The following GALNTL6 variants were observed in gnomAD, a reference collection of about 807,000 sequenced individuals.
GALNTL6 encodes the protein polypeptide N-acetylgalactosaminyltransferase-like 6.
Under a neutral mutation model 73.7 loss-of-function variants are expected in GALNTL6, and 46 were observed. The ratio of observed to expected loss-of-function variants is 0.62; its 90% CI spans 0.49 to 0.80. The LOEUF (loss-of-function observed/expected upper bound fraction) is 0.80, where lower values mean the gene tolerates loss of function less well. Among genes scored for constraint, GALNTL6 ranks in the 30% least tolerant of loss-of-function variants. The pLI, the probability that GALNTL6 is intolerant of heterozygous loss-of-function variation, is 0.00. For missense variants in GALNTL6, 604 were observed against 755.0 expected, an observed-to-expected ratio of 0.80 and a Z score of 2.34; for synonymous variants, 259 against 263.7, an observed-to-expected ratio of 0.98 and a Z score of 0.17.
At chr4:172,881,910 G>A (rs1475698033) in intron 7 of GALNTL6, among the ~76,000 whole-genome samples, 2 of 151,880 alleles carry the variant, frequency 1.3e-5, no homozygotes, top group African/African-American at 2.4e-5. Context: ...CCTCTTCTGC[G>A]TGATTCCTCA....
chr4:172,844,634 C>A (rs1036899589), intron 7 of GALNTL6, among the ~76,000 whole-genome samples: 1 of 152,168 alleles, frequency 6.6e-6, no homozygotes, highest in African/African-American at 2.4e-5. Flanking sequence ...AAAATGGTGA[C>A]CACGTGGTTG....
intron 2 of GALNTL6, among the ~76,000 whole-genome samples, chr4:171,917,402 C>A (rs550930825): frequency 9.2e-5 from 14 of 151,996 alleles, no homozygotes; most frequent in African/African-American, 3.4e-4. Context: ...CCATAAGAAG[C>A]CTTTGAATAG....
rs372911780 is a variant in GALNTL6 at position 172,912,247 on chromosome 4, T to C, written c.1042-18914T>C. ...ACTTTAGAGGTATAAGAATTTGATT[T>C]TTGGTTCCAAGATGGCCAAATAGGA... On this transcript the variant is annotated intron_variant, in intron 8 of 12. Transcript: ENST00000506823. Among the ~76,000 whole-genome samples the C allele has an allele frequency of 1.2e-4, 18 of 152,328 alleles. No individual in the cohort carries two copies. The South Asian group carries it at 3.5e-3, about 30-fold the overall frequency.
rs547801466 is a variant in GALNTL6, at chr4:172,757,091, T to G, written c.554-52270T>G. ...TTGGCCCTGTAACTAAGTAAAAAATTATGAATAATAATAAATTGATAGTGC... is the reference window on the plus strand; with the variant it reads ...TTGGCCCTGTAACTAAGTAAAAAATGATGAATAATAATAAATTGATAGTGC... On this transcript the variant is annotated intron_variant, in intron 5 of 12. Transcript: ENST00000506823. Among the ~76,000 whole-genome samples, 6 of 152,316 alleles carry G rather than the reference T, an allele frequency of 3.9e-5. No individual in the cohort carries two copies. In the East Asian group the frequency reaches 5.8e-4, roughly 15 times the overall value.
chr4:172,703,735 C>T (rs891357768), intron 5 of GALNTL6, among the ~76,000 whole-genome samples: 3 of 151,926 alleles, frequency 2.0e-5, no homozygotes, highest in Admixed American at 6.6e-5. Context: ...CTCCCTCCCA[C>T]GTAAATTTTT....
chr4:172,111,567 T>G (rs1166864850), intron 2 of GALNTL6, among the ~76,000 whole-genome samples: 1 of 152,098 alleles, frequency 6.6e-6, no homozygotes, highest in Non-Finnish European at 1.5e-5. Flanking sequence ...AAATTTTTAC[T>G]ATAATATAAA....
At chr4:172,932,225 T>C (rs760038453) in intron 9 of GALNTL6, among the ~76,000 whole-genome samples, 99 of 152,202 alleles carry the variant, frequency 6.5e-4, no homozygotes, top group Non-Finnish European at 1.2e-3. Flanking sequence ...AGGGTAGAGC[T>C]TTGGTCTGTG....
chr4:172,924,116 G>GA (rs552339357), intron 8 of GALNTL6, among the ~76,000 whole-genome samples: 34 of 152,134 alleles, frequency 2.2e-4, no homozygotes, highest in Non-Finnish European at 4.0e-4. Flanking sequence ...AAAACTTCAA[G>GA]AAAAAATCCA....
chr4:172,446,785 T>A lies in GALNTL6; in HGVS notation c.553+98096T>A, dbSNP rs79544336. Among the ~76,000 whole-genome samples the A allele has an allele frequency of 5.9e-3, 893 of 152,244 alleles. 10 individuals carry two copies. The highest frequency in any genetic ancestry group is 0.02 in the African/African-American group (851 of 41,552). On this transcript the variant is annotated intron_variant, in intron 5 of 12. Coordinates refer to ENST00000506823, the MANE Select transcript of GALNTL6 (RefSeq NM_001034845.3). ...ACTCATAGCCTTCATCATGTCCCCT[T>A]GAGAGAAGGATAAATCCCAAGCCCA...
At chr4:172,872,053 A>G (rs1206427898) in intron 7 of GALNTL6, among the ~76,000 whole-genome samples, 3 of 152,190 alleles carry the variant, frequency 2.0e-5, no homozygotes, top group Non-Finnish European at 4.4e-5. Context: ...TCGGCCTCTC[A>G]AAGTGCTGGG....
chr4:171,960,835 T>C (rs1314774235), intron 2 of GALNTL6, among the ~76,000 whole-genome samples: 1 of 151,968 alleles, frequency 6.6e-6, no homozygotes, highest in Non-Finnish European at 1.5e-5. Context: ...AAGGTCTAGA[T>C]GCATTAAGCT....
intron 3 of GALNTL6, among the ~76,000 whole-genome samples, chr4:172,273,028 T>C (rs1248404881): frequency 7.1e-6 from 1 of 140,336 alleles, no homozygotes; most frequent in East Asian, 2.1e-4. Context: ...CTAAGGACTT[T>C]TTTGCTTTTA....
chr4:172,298,828 C>CT (rs1384761505), intron 3 of GALNTL6, among the ~76,000 whole-genome samples: 2 of 152,182 alleles, frequency 1.3e-5, no homozygotes, highest in Middle Eastern at 3.4e-3. Flanking sequence ...CTAAAATTCT[C>CT]TTTTTTTGTT....
intron 8 of GALNTL6, among the ~76,000 whole-genome samples, chr4:172,909,860 GA>G (rs1195088523): frequency 6.6e-6 from 1 of 151,940 alleles, no homozygotes; most frequent in Non-Finnish European, 1.5e-5. Context: ...CTTATGGATG[GA>G]AAAAATGGAA....
chr4:172,292,282 A>G (rs1561009612), intron 3 of GALNTL6, among the ~76,000 whole-genome samples: 1 of 152,170 alleles, frequency 6.6e-6, no homozygotes, highest in Non-Finnish European at 1.5e-5. Flanking sequence ...CATAAAAAAA[A>G]AACTTCCTGA....
chr4:172,703,508 T>C (rs1734150072), intron 5 of GALNTL6, among the ~76,000 whole-genome samples: 1 of 152,078 alleles, frequency 6.6e-6, no homozygotes, highest in South Asian at 2.1e-4. Flanking sequence ...TCAGTTTAGA[T>C]ATGTTGAAAG....
chr4:172,344,675 C>T (rs910783837), intron 4 of GALNTL6, among the ~76,000 whole-genome samples: 2 of 152,176 alleles, frequency 1.3e-5, no homozygotes, highest in African/African-American at 2.4e-5. Context: ...TCTTCATGAT[C>T]TGTTCTCAAT....
intron 5 of GALNTL6, among the ~76,000 whole-genome samples, chr4:172,615,509 C>T (rs978077300): frequency 6.6e-6 from 1 of 152,098 alleles, no homozygotes; most frequent in African/African-American, 2.4e-5. Flanking sequence ...AGTTTATCAC[C>T]CCACACAAAT....
chr4:172,222,289 G>A (rs1466805736), intron 2 of GALNTL6, among the ~76,000 whole-genome samples: 2 of 151,892 alleles, frequency 1.3e-5, no homozygotes, highest in East Asian at 1.9e-4. Flanking sequence ...ATGGAAGCAG[G>A]AAGCAAGAGA....
Sources: gnomAD v4.1 joint callset for allele counts (sites outside exome capture counted in the v4.1 genomes callset) on GRCh38, gnomAD v4.1.1 for gene constraint, MANE v1.5 for transcripts, NCBI Gene and HGNC (gene_info 2026-07-23, HGNC 2026-07-21) for gene names.